KCNIP1: variants seen among roughly 807,000 people sequenced by gnomAD.
KCNIP1 encodes A-type potassium channel modulatory protein KCNIP1.
In KCNIP1, 18 loss-of-function variants were observed where a neutral mutation model predicts 33.0. The ratio of observed to expected loss-of-function variants is 0.55; its 90% CI spans 0.38 to 0.81. KCNIP1 has a LOEUF of 0.81. Ranked by LOEUF, KCNIP1 falls within the 30% of genes least tolerant of loss-of-function variation. The pLI is 0.00. For synonymous variants in KCNIP1, 93 were observed against 98.3 expected, an observed-to-expected ratio of 0.95 and a Z score of 0.32; for missense variants, 238 against 271.6, an observed-to-expected ratio of 0.88 and a Z score of 0.87.
At chr5:170,604,102 G>C (rs1239539352) in intron 1 of KCNIP1, among the ~76,000 whole-genome samples, 1 of 152,178 alleles carries the variant, frequency 6.6e-6, no homozygotes, top group African/African-American at 2.4e-5. Context: ...CGGCCCGGTG[G>C]TGGGAACCAG....
At chr5:170,523,363 G>A (rs905890391) in intron 1 of KCNIP1, among the ~76,000 whole-genome samples, 1 of 152,192 alleles carries the variant, frequency 6.6e-6, no homozygotes, top group African/African-American at 2.4e-5. Context: ...TTTCTGCCAG[G>A]CATAATTATT....
rs1253173641 is a variant in KCNIP1 at position 170,422,782 on chromosome 5, A to AT, written c.88+68822dup. Reference sequence around the variant, plus strand: ...TTCTCAGTACCTTTAACATTTTATGATTTTCCCAAAGGACAAAGAGTATGC... The same window carrying AT: ...TTCTCAGTACCTTTAACATTTTATGATTTTTCCCAAAGGACAAAGAGTATGC... On this transcript the variant is annotated intron_variant, in intron 1 of 7. Coordinates refer to the KCNIP1 transcript ENST00000377360. 4 of 152,178 alleles carry AT rather than the reference A, an allele frequency of 2.6e-5. No individual in the cohort carries two copies. In the South Asian group the frequency reaches 8.3e-4, roughly 31 times the overall value. 9.4% of individuals were successfully genotyped at this position (152,178 alleles called of 1,614,324 possible). A position where few individuals can be genotyped will look rare whatever the true frequency, so the allele number is the denominator to read the frequency against.
At chr5:170,721,661 T>C (rs1271188932) in intron 3 of KCNIP1, 172 bp from the exon 4 acceptor site, 2 of 1,425,248 alleles carry the variant, frequency 1.4e-6, no homozygotes, top group African/African-American at 2.8e-5. Context: ...AGATCTAACT[T>C]CACACCCAAA....
In KCNIP1 at chr5:170,618,993, C is replaced by T. The variant is rs141386737; in HGVS notation, c.62-99765C>T. ...CTCTCAGAGCTTTGGAAGGAAGGTC[C>T]CTGCAGGGAAACTGTGTGTGTTTCT... On this transcript the variant is annotated intron_variant, in intron 1 of 7. Transcript: ENST00000328939. 7.7e-4 allele frequency among the ~76,000 whole-genome samples: 117 copies of T among 152,202 alleles called. 1 individual carries two copies. In the East Asian group the frequency reaches 0.022, roughly 29 times the overall value.
At chr5:170,446,152 A>G (rs1041271394) in intron 1 of KCNIP1, among the ~76,000 whole-genome samples, 4 of 152,140 alleles carry the variant, frequency 2.6e-5, no homozygotes, top group Non-Finnish European at 4.4e-5. Context: ...GCCGTCAGTC[A>G]TTACCCTCAC....
rs1011289587 is a variant in KCNIP1, at chr5:170,378,598, G to A, written c.88+24634G>A. 8 of 1,185,706 alleles carry A rather than the reference G, an allele frequency of 6.7e-6. No individual in the cohort carries two copies. The African/African-American group carries it at 9.2e-5, about 14-fold the overall frequency. 73.4% of individuals were successfully genotyped at this position (1,185,706 alleles called of 1,614,324 possible). A position where few individuals can be genotyped will look rare whatever the true frequency, so the allele number is the denominator to read the frequency against. On this transcript the variant is annotated intron_variant, in intron 1 of 7. Transcript: ENST00000377360. ...AGACAGCGTGGATTGGACTGGAAGA[G>A]TGGGAGGGCAGGTGGAGAAGGCATT...
chr5:170,574,899 A>G (rs1479430676), intron 1 of KCNIP1, among the ~76,000 whole-genome samples: 1 of 152,244 alleles, frequency 6.6e-6, no homozygotes, highest in East Asian at 1.9e-4. Context: ...CCGATTCCAC[A>G]CAGACAGTGG....
At chr5:170,615,146 T>C (rs1295121818) in intron 1 of KCNIP1, among the ~76,000 whole-genome samples, 4 of 151,842 alleles carry the variant, frequency 2.6e-5, no homozygotes, top group Non-Finnish European at 2.9e-5. Flanking sequence ...ACCCGGGAGG[T>C]GGAGTTTGCA....
intron 1 of KCNIP1, among the ~76,000 whole-genome samples, chr5:170,412,053 A>C (rs6885191): frequency 0.66 from 99,754 of 152,016 alleles, 32,788 homozygotes; most frequent in Middle Eastern, 0.73. Flanking sequence ...GTGACGGTGC[A>C]TGCTGGCTGA....
chr5:170,630,177 T>G (rs34599493), intron 1 of KCNIP1, among the ~76,000 whole-genome samples: 4 of 152,222 alleles, frequency 2.6e-5, no homozygotes, highest in Admixed American at 6.5e-5. Context: ...AGGCACAGTC[T>G]TTCCCCACCA....
intron 1 of KCNIP1, among the ~76,000 whole-genome samples, chr5:170,410,707 A>C (rs1755163818): frequency 6.6e-6 from 1 of 152,216 alleles, no homozygotes; most frequent in African/African-American, 2.4e-5. Context: ...TTTGGGAGGA[A>C]GGGAGAAAAT....
chr5:170,408,438 T>C (rs1000194246), intron 1 of KCNIP1, among the ~76,000 whole-genome samples: 4 of 152,146 alleles, frequency 2.6e-5, no homozygotes, highest in Non-Finnish European at 5.9e-5. Context: ...CTCATTGTCA[T>C]GTAATTTAAT....
chr5:170,511,910 T>C (rs1353193507), intron 1 of KCNIP1, among the ~76,000 whole-genome samples: 1 of 152,176 alleles, frequency 6.6e-6, no homozygotes, highest in Non-Finnish European at 1.5e-5. Flanking sequence ...AACGGGTGCA[T>C]GGATGTTGGG....
At chr5:170,712,846 T>C (rs762726622) in intron 1 of KCNIP1, 23 of 1,613,758 alleles carry the variant, frequency 1.4e-5, no homozygotes, top group Middle Eastern at 1.6e-4. Context: ...TTTCTCACTC[T>C]TTCCTAGACA....
At chr5:170,409,538 G>A (rs1271389702) in intron 1 of KCNIP1, among the ~76,000 whole-genome samples, 2 of 152,174 alleles carry the variant, frequency 1.3e-5, no homozygotes, top group African/African-American at 4.8e-5. Context: ...GTAGTGACAC[G>A]CACAGGCTCT....
At chr5:170,676,066 T>TGAAAGAAGGAAGGGAGGAAGAG in intron 1 of KCNIP1, among the ~76,000 whole-genome samples, 1 of 129,680 alleles carries the variant, frequency 7.7e-6, no homozygotes, top group African/African-American at 3.2e-5. Flanking sequence ...GGGAGGAAGA[T>TGAAAGAAGGAAGGGAGGAAGAG]GAAAGAAGGA....
chr5:170,599,778 C>T (rs149114665), intron 1 of KCNIP1, among the ~76,000 whole-genome samples: 12 of 152,292 alleles, frequency 7.9e-5, no homozygotes, highest in African/African-American at 2.9e-4. Flanking sequence ...CTCCTCTTCC[C>T]CCTTCCTCCA....
At chr5:170,638,676 G>A (rs542372561) in intron 1 of KCNIP1, among the ~76,000 whole-genome samples, 14 of 152,046 alleles carry the variant, frequency 9.2e-5, no homozygotes, top group South Asian at 8.3e-4. Context: ...CGGGCCAAGC[G>A]TCCAAGGCAA....
At position 170,736,419 on chromosome 5, in the gene KCNIP1, C is replaced by T. The variant is rs1764391179; in HGVS notation, c.*613C>T. The T allele has an allele frequency of 6.5e-6, 1 of 152,688 alleles. No individual in the cohort carries two copies. Among genetic ancestry groups the T allele is most frequent in the Non-Finnish European group, 1.5e-5 (1 of 68,146 alleles). 9.5% of individuals were successfully genotyped at this position (152,688 alleles called of 1,614,324 possible). ...GTCATTTGTTTCCAGAAACGAGGAC[C>T]AATAATTCTCTCACACTGGCATTTG... is the stretch of plus-strand genomic sequence containing the variant. On this transcript the variant is annotated 3_prime_UTR_variant, in exon 8 of 8. Coordinates refer to ENST00000328939, the MANE Select transcript of KCNIP1 (RefSeq NM_014592.4).
Sources: gnomAD v4.1 joint callset for allele counts (sites outside exome capture counted in the v4.1 genomes callset) on GRCh38, gnomAD v4.1.1 for gene constraint, MANE v1.5 for transcripts, NCBI Gene and HGNC (gene_info 2026-07-23, HGNC 2026-07-21) for gene names.